ARAP2: variants seen among roughly 807,000 people sequenced by gnomAD.
ARAP2 encodes the protein arf-GAP with Rho-GAP domain, ANK repeat and PH domain-containing protein 2.
ARAP2 carries 148 observed loss-of-function variants against 194.5 expected under a neutral mutation model. The ratio of observed to expected loss-of-function variants is 0.76; its 90% CI spans 0.67 to 0.87. ARAP2 has a LOEUF of 0.87. ARAP2 is among the 40% of genes least tolerant of loss of function. ARAP2 has a pLI of 0.00. For synonymous variants in ARAP2, 695 were observed against 683.5 expected (o/e 1.02, Z -0.26); for missense variants, 2,128 against 1,989.7 (o/e 1.07, Z -1.32).
At chr4:36,118,627 T>C (rs573834968) in intron 24 of ARAP2, among the ~76,000 whole-genome samples, 4 of 151,564 alleles carry the variant, frequency 2.6e-5, no homozygotes, top group Non-Finnish European at 4.4e-5. Context: ...ACAATGTAGA[T>C]AGTGTGGTTA....
chr4:36,137,619 G>C (rs1727153425), intron 19 of ARAP2, among the ~76,000 whole-genome samples: 3 of 151,762 alleles, frequency 2.0e-5, no homozygotes, highest in Non-Finnish European at 1.5e-5. Context: ...TTTTGAGCCA[G>C]AGAACTGGAA....
chr4:36,126,489 T>C (rs531468455), intron 21 of ARAP2, among the ~76,000 whole-genome samples: 1 of 152,092 alleles, frequency 6.6e-6, no homozygotes, highest in East Asian at 1.9e-4. Flanking sequence ...TCATATGTCA[T>C]ATAAATATAG....
Position 36,067,978 on chromosome 4 carries a change from C to A in ARAP2, c.5044G>T (p.Glu1682Ter). 1 of 1,614,074 alleles carries A rather than the reference C, an allele frequency of 6.2e-7. No individual in the cohort carries two copies. The highest frequency in any genetic ancestry group is 8.5e-7 in the Non-Finnish European group (1 of 1,179,962). Residue 1682 changes from glutamate to a stop codon, truncating the protein, a stop_gained, in exon 33 of 33, where the codon GAA becomes TAA. Transcript: ENST00000303965. LOFTEE classifies it high-confidence loss of function. Reference protein sequence around the residue: ...DHKLPSRVIEELNVVLQRSRT... With the variant: ...DHKLPSRVIE The stretch of plus-strand genomic sequence containing the variant: ...GACCGTTGTAGAACCACATTAAGTT[C>A]TTCAATTACCCTTGATGGTAACTTA...
intron 9 of ARAP2, among the ~76,000 whole-genome samples, chr4:36,009,699 CA>C: frequency 6.6e-6 from 1 of 152,172 alleles, no homozygotes; most frequent in East Asian, 1.9e-4. Context: ...TTTAAAGCAT[CA>C]AAACTTTCTA....
intron 1 of ARAP2, among the ~76,000 whole-genome samples, chr4:36,240,924 A>G (rs1753388172): frequency 6.6e-6 from 1 of 152,226 alleles, no homozygotes; most frequent in East Asian, 1.9e-4. Context: ...CATAGGAGGT[A>G]CCTAGGTTTA....
chr4:36,156,437 A>AAG (rs1488307128), intron 15 of ARAP2, among the ~76,000 whole-genome samples: 3 of 14,824 alleles, frequency 2.0e-4, no homozygotes, highest in African/African-American at 1.1e-3. Context: ...GAAAGAAAGA[A>AAG]AGAAAGAGAA....
At chr4:36,193,500 TA>T in intron 7 of ARAP2, 77 bp downstream of exon 7, 1 of 965,294 alleles carries the variant, frequency 1.0e-6, no homozygotes, top group Non-Finnish European at 1.5e-6. Flanking sequence ...CTCCTATTCT[TA>T]AAAACCAAAC....
chr4:36,092,126 T>A lies in ARAP2; in HGVS notation c.4286-106A>T, dbSNP rs1713844221. The stretch of plus-strand genomic sequence containing the variant: ...CATATAGAAAAAATAAGAACTTGTT[T>A]ACTACCGCTAAAGTCTAAGGTGAAC... On this transcript the variant is annotated intron_variant, in intron 27 of 32. Coordinates refer to ENST00000303965, the MANE Select transcript of ARAP2 (RefSeq NM_015230.4). The A allele has an allele frequency of 5.5e-6, 7 of 1,283,736 alleles. No homozygotes were observed. In the East Asian group the frequency reaches 1.7e-4, roughly 31 times the overall value. The allele number at this position is 1,283,736 out of a possible 1,614,324, so 79.5% of individuals were successfully genotyped here.
intron 32 of ARAP2, among the ~76,000 whole-genome samples, chr4:36,070,155 T>C (rs1240759224): frequency 6.6e-6 from 1 of 152,152 alleles, no homozygotes; most frequent in Non-Finnish European, 1.5e-5. Flanking sequence ...ACATCTATAA[T>C]ATTAGCCTAA....
chr4:36,216,975 G>A (rs1463438614), intron 2 of ARAP2, among the ~76,000 whole-genome samples: 1 of 152,114 alleles, frequency 6.6e-6, no homozygotes, highest in Non-Finnish European at 1.5e-5. Flanking sequence ...ATTCTTACAG[G>A]ACCAATGTCA....
At chr4:36,104,811 C>T (rs775009038) in intron 27 of ARAP2, among the ~76,000 whole-genome samples, 2 of 151,926 alleles carry the variant, frequency 1.3e-5, no homozygotes, top group South Asian at 2.1e-4. Context: ...TATAGGTTCT[C>T]TTATTTTTGA....
intron 28 of ARAP2, among the ~76,000 whole-genome samples, chr4:36,090,896 T>C (rs960253902): frequency 1.3e-5 from 2 of 151,920 alleles, no homozygotes; most frequent in African/African-American, 4.8e-5. Flanking sequence ...ACTCCTGAAC[T>C]TAAAAACCAA....
intron 32 of ARAP2, among the ~76,000 whole-genome samples, chr4:36,069,694 C>A (rs1337511294): frequency 6.6e-6 from 1 of 152,084 alleles, no homozygotes; most frequent in Admixed American, 6.6e-5. Flanking sequence ...AATTTAAGGG[C>A]CAAGTAATAA....
At chr4:36,186,117 C>A (rs563723696) in intron 8 of ARAP2, among the ~76,000 whole-genome samples, 1 of 152,122 alleles carries the variant, frequency 6.6e-6, no homozygotes, top group Non-Finnish European at 1.5e-5. Flanking sequence ...AATTAAAGCA[C>A]CAAGAAGTAC....
intron 15 of ARAP2, among the ~76,000 whole-genome samples, chr4:36,156,988 A>G (rs1257307465): frequency 6.6e-6 from 1 of 152,242 alleles, no homozygotes; most frequent in Non-Finnish European, 1.5e-5. Flanking sequence ...TGTTTATTAC[A>G]TCAATGAGGT....
intron 5 of ARAP2, among the ~76,000 whole-genome samples, chr4:36,024,127 G>A (rs572716047): frequency 6.6e-5 from 10 of 152,140 alleles, no homozygotes; most frequent in African/African-American, 2.4e-4. Context: ...AAGGATGAAA[G>A]GTAAACTTCA....
chr4:36,181,196 C>G lies in ARAP2; in HGVS notation c.1679-3191G>C, dbSNP rs142805107. Among the ~76,000 whole-genome samples the G allele has an allele frequency of 2.9e-4, 44 of 152,288 alleles. No individual in the cohort carries two copies. The East Asian group carries it at 8.1e-3, about 28-fold the overall frequency. On this transcript the variant is annotated intron_variant, in intron 8 of 32. Coordinates refer to ENST00000303965, the MANE Select transcript of ARAP2 (RefSeq NM_015230.4). ...TGCTAAGCACCAATCCTCCTGGAAA[C>G]AAGCTCTGACCTACATATGGCTTGG...
intron 5 of ARAP2, among the ~76,000 whole-genome samples, chr4:36,041,870 T>C (rs1720924504): frequency 6.6e-6 from 1 of 152,158 alleles, no homozygotes; most frequent in Admixed American, 6.5e-5. Flanking sequence ...ATGTCTTTTG[T>C]GGGAACATGG....
chr4:36,166,679 T>C (rs762976843), intron 10 of ARAP2, among the ~76,000 whole-genome samples: 22 of 151,844 alleles, frequency 1.4e-4, no homozygotes, highest in Non-Finnish European at 2.8e-4. Flanking sequence ...ACATACACCA[T>C]GCCTAGTAAG....
Sources: allele counts gnomAD v4.1 joint callset (sites outside exome capture counted in the v4.1 genomes callset), GRCh38; gene constraint gnomAD v4.1.1; transcripts MANE v1.5; gene names NCBI Gene and HGNC (gene_info 2026-07-23, HGNC 2026-07-21).